DMBT1: variants seen among roughly 807,000 people sequenced by gnomAD.
DMBT1 encodes scavenger receptor cysteine-rich domain-containing protein DMBT1.
DMBT1 carries 198 observed loss-of-function variants against 252.9 expected under a neutral mutation model. That is an observed-to-expected ratio of 0.78 (90% CI 0.70 to 0.88). The LOEUF is 0.88. Ranked by LOEUF, DMBT1 falls within the 40% of genes least tolerant of loss-of-function variation. DMBT1 has a pLI of 0.00. For missense variants in DMBT1, 2,432 were observed against 2,404.7 expected (o/e 1.01, Z -0.24); for synonymous variants, 990 against 942.7 (o/e 1.05, Z -0.92).
In DMBT1 at chr10:122,593,615, C is replaced by G. The variant is rs745746804; in HGVS notation, c.2530+17C>G. ...CCAGTCCAGGTAGGTCCCCAGTGTC[C>G]TTCCTCAAAATGTCCCTTCTCTTTC... is the stretch of plus-strand genomic sequence containing the variant. On this transcript the variant is annotated intron_variant, in intron 21 of 55. Transcript: ENST00000338354. The G allele has an allele frequency of 6.3e-7, 1 of 1,585,534 alleles. No individual in the cohort carries two copies. Among genetic ancestry groups the G allele is most frequent in the Non-Finnish European group, 8.6e-7 (1 of 1,163,538 alleles).
intron 55 of DMBT1, 54 bp downstream of exon 55, chr10:122,640,503 T>C (rs545883733): frequency 6.5e-7 from 1 of 1,537,580 alleles, no homozygotes; most frequent in African/African-American, 1.4e-5. Context: ...AACTCAAACA[T>C]GAGTAGCCCC....
intron 52 of DMBT1, among the ~76,000 whole-genome samples, chr10:122,634,453 TCTCTCTC>T (rs2098206524): frequency 1.1e-5 from 1 of 89,706 alleles, no homozygotes. Flanking sequence ...TCTCTCTCTC[TCTCTCTC>T]TCTCTCTCTC....
chr10:122,598,703 A>T, intron 25 of DMBT1, 71 bp from the exon 26 acceptor site: 1 of 1,608,642 alleles, frequency 6.2e-7, no homozygotes, highest in Non-Finnish European at 8.5e-7. Context: ...ACATGCCTTG[A>T]GTGTGGAACA....
intron 9 of DMBT1, 83 bp downstream of exon 9, chr10:122,578,842 C>A: frequency 7.2e-7 from 1 of 1,383,244 alleles, no homozygotes; most frequent in Non-Finnish European, 1.0e-6. Flanking sequence ...TTATGATTGC[C>A]ATAAAGAGAG....
chr10:122,564,632 A>ATT (rs34136647), intron 1 of DMBT1, among the ~76,000 whole-genome samples: 3,166 of 149,342 alleles, frequency 0.021, 100 homozygotes, highest in African/African-American at 0.071. Context: ...CATCACATGT[A>ATT]TTTTTTTTTT....
intron 42 of DMBT1, among the ~76,000 whole-genome samples, chr10:122,619,616 T>A (rs953531642): frequency 6.6e-6 from 1 of 152,242 alleles, no homozygotes; most frequent in Non-Finnish European, 1.5e-5. Flanking sequence ...TCATGTTTAA[T>A]GAGCTTTAGC....
At chr10:122,598,431 T>C (rs984490741) in intron 25 of DMBT1, among the ~76,000 whole-genome samples, 1 of 152,110 alleles carries the variant, frequency 6.6e-6, no homozygotes, top group African/African-American at 2.4e-5. Context: ...GACCATAGGA[T>C]TGCCACCAAG....
chr10:122,586,354 A>G lies in DMBT1; in HGVS notation c.1754A>G (p.His585Arg). ...GGCTGGCTCTCCCATAACTGTGGCC[A>G]TAGTGAAGACGCTGGTGTCATCTGC... ...HNGWLSHNCGHSEDAGVICSG... is the reference protein window; with the variant it reads ...HNGWLSHNCGRSEDAGVICSG... Residue 585 changes from histidine (H) to arginine (R), a missense_variant, in exon 16 of 56, where the codon CAT becomes CGT. This residue lies in a region of DMBT1 where 1,264 missense variants were observed against 1,082.2 expected (regional missense o/e 1.17). Transcript: ENST00000338354. 5 of 1,588,688 alleles carry G rather than the reference A, an allele frequency of 3.1e-6. No homozygotes were observed. The highest frequency in any genetic ancestry group is 3.4e-6 in the Non-Finnish European group (4 of 1,165,832).
chr10:122,577,334 A>G lies in DMBT1; in HGVS notation c.608-477A>G, dbSNP rs1037945925. On this transcript the variant is annotated intron_variant, in intron 7 of 55. Coordinates refer to ENST00000338354, the MANE Select transcript of DMBT1 (RefSeq NM_001377530.1). ...TAGTTCACTTATGATTGCTGTGAAGAGAGGCATGGAAGTGGGGTAAGGGTG... is the reference window on the plus strand; with the variant it reads ...TAGTTCACTTATGATTGCTGTGAAGGGAGGCATGGAAGTGGGGTAAGGGTG... Among the ~76,000 whole-genome samples, 13 of 152,250 alleles carry G rather than the reference A, an allele frequency of 8.5e-5. No homozygotes were observed. The East Asian group carries it at 2.5e-3, about 29-fold the overall frequency.
chr10:122,619,404 C>A, intron 42 of DMBT1, 67 bp downstream of exon 42: 2 of 1,597,860 alleles, frequency 1.3e-6, no homozygotes, highest in Non-Finnish European at 1.7e-6. Flanking sequence ...TTCCCCACTC[C>A]ACAGAGCTCT....
intron 44 of DMBT1, among the ~76,000 whole-genome samples, chr10:122,622,887 C>G (rs756995047): frequency 6.6e-6 from 1 of 152,184 alleles, no homozygotes; most frequent in African/African-American, 2.4e-5. Context: ...TTGGACCCTT[C>G]CTTTCTTTTG....
Position 122,586,140 on chromosome 10 carries a change from T to G in DMBT1, c.1540T>G (p.Ser514Ala), listed in dbSNP as rs942653402. The G allele has an allele frequency of 1.3e-6, 2 of 1,588,996 alleles. No homozygotes were observed. Among genetic ancestry groups the G allele is most frequent in the African/African-American group, 2.7e-5 (2 of 74,484 alleles). ...QGRVEVLYRG[S>A]WGTVCDDSWD... ...CCGAGTGGAGGTCCTATACCGAGGC[T>G]CCTGGGGCACCGTGTGTGATGACAG... is the stretch of plus-strand genomic sequence containing the variant. Residue 514 changes from serine (S) to alanine (A), a missense_variant, in exon 16 of 56, where the codon TCC becomes GCC. This residue lies in a region of DMBT1 where 1,264 missense variants were observed against 1,082.2 expected (regional missense o/e 1.17). Transcript: ENST00000338354.
chr10:122,585,000 G>A (rs1191234568), intron 14 of DMBT1, among the ~76,000 whole-genome samples: 5 of 148,982 alleles, frequency 3.4e-5, no homozygotes, highest in Admixed American at 6.7e-5. Context: ...GTCAGTGCAT[G>A]TGTCAGTGCA....
At chr10:122,632,723 C>T (rs2098175776) in intron 50 of DMBT1, 138 bp from the exon 51 acceptor site, 1 of 1,097,370 alleles carries the variant, frequency 9.1e-7, no homozygotes, top group Non-Finnish European at 1.3e-6. Context: ...GGCAAGTGAG[C>T]TCCCCAAGGG....
At position 122,598,755 on chromosome 10, in the gene DMBT1, T is replaced by C. The variant is rs767606462; in HGVS notation, c.2957-19T>C. On this transcript the variant is annotated intron_variant, in intron 25 of 55. Coordinates refer to ENST00000338354, the MANE Select transcript of DMBT1 (RefSeq NM_001377530.1). ...CCTCATGATAGGGATGGATGAAGGA[T>C]TCTTGTGTTCCCCTGTAGGATCTGA... is the stretch of plus-strand genomic sequence containing the variant. 80 of 1,612,574 alleles carry C rather than the reference T, an allele frequency of 5.0e-5. No homozygotes were observed. The highest frequency in any genetic ancestry group is 1.9e-4 in the Middle Eastern group (1 of 5,152).
chr10:122,622,991 C>G (rs1043176291), intron 44 of DMBT1, among the ~76,000 whole-genome samples: 1 of 152,160 alleles, frequency 6.6e-6, no homozygotes, highest in Non-Finnish European at 1.5e-5. Context: ...TTACCATCAT[C>G]TCTATCTAGT....
At chr10:122,628,901 CTG>C (rs1383506025) in intron 46 of DMBT1, among the ~76,000 whole-genome samples, 4 of 151,954 alleles carry the variant, frequency 2.6e-5, no homozygotes, top group African/African-American at 9.7e-5. Flanking sequence ...CTAAAATTGA[CTG>C]TGGTGATTTC....
chr10:122,639,244 T>C (rs1453981970), intron 54 of DMBT1, among the ~76,000 whole-genome samples: 1 of 152,354 alleles, frequency 6.6e-6, no homozygotes, highest in African/African-American at 2.4e-5. Flanking sequence ...ATCATGTTAA[T>C]GTACAGGGTT....
At chr10:122,623,548 G>A (rs999657122) in intron 44 of DMBT1, among the ~76,000 whole-genome samples, 1 of 152,122 alleles carries the variant, frequency 6.6e-6, no homozygotes, top group African/African-American at 2.4e-5. Context: ...TGATTCCTCC[G>A]TATCCTCACC....
Sources: gnomAD v4.1 joint callset for allele counts (sites outside exome capture counted in the v4.1 genomes callset) on GRCh38, gnomAD v4.1.1 for gene constraint, gnomAD v4.1.1 regional missense constraint, MANE v1.5 for transcripts, NCBI Gene and HGNC (gene_info 2026-07-23, HGNC 2026-07-21) for gene names.